ENPP4: variants seen among roughly 807,000 people sequenced by gnomAD.
The protein encoded by ENPP4 is bis(5'-adenosyl)-triphosphatase ENPP4.
Under a neutral mutation model 33.4 loss-of-function variants are expected in ENPP4, and 18 were observed. The ratio of observed to expected loss-of-function variants is 0.54; its 90% confidence interval spans 0.37 to 0.80. ENPP4 has a LOEUF of 0.80. Ranked by LOEUF, ENPP4 falls within the 30% of genes least tolerant of loss-of-function variation. The pLI, the probability that ENPP4 is intolerant of heterozygous loss-of-function variation, is 0.00. For synonymous variants in ENPP4, 172 were observed against 189.9 expected (o/e 0.91, Z 0.78); for missense variants, 480 against 541.7 (o/e 0.89, Z 1.13).
At chr6:46,137,792 G>C (rs542104516) in intron 1 of ENPP4, among the ~76,000 whole-genome samples, 10 of 151,812 alleles carry the variant, frequency 6.6e-5, no homozygotes, top group Non-Finnish European at 1.3e-4. Flanking sequence ...GATTAAAATA[G>C]TAGAGATTTT....
intron 1 of ENPP4, among the ~76,000 whole-genome samples, chr6:46,130,938 G>C (rs1763885911): frequency 6.6e-6 from 1 of 152,174 alleles, no homozygotes; most frequent in Non-Finnish European, 1.5e-5. Context: ...CAAGTCTGAA[G>C]GAAGATTTGC....
At chr6:46,136,545 A>T (rs1443166951) in intron 1 of ENPP4, among the ~76,000 whole-genome samples, 1 of 151,990 alleles carries the variant, frequency 6.6e-6, no homozygotes, top group East Asian at 1.9e-4. Context: ...ATGGAAATTC[A>T]AGTTGGCAGT....
In ENPP4 at chr6:46,143,399, T is replaced by C; in HGVS notation, c.1121T>C (p.Met374Thr). The change falls in exon 4 of 4, where the codon ATG becomes ACG. Residue 374 changes from methionine to threonine, a missense_variant. Around this residue, in one of 3 missense-constraint regions of ENPP4, gnomAD observed 249 missense variants for 251.8 expected, o/e 0.99. Transcript: ENST00000321037. Reference protein sequence around the residue: ...TINIVDIYPMMCHILGLKPHP... With the variant: ...TINIVDIYPMTCHILGLKPHP... ...AACATTGTGGATATTTATCCAATGATGTGCCACATCCTGGGATTAAAACCA... is the reference window on the plus strand; with the variant it reads ...AACATTGTGGATATTTATCCAATGACGTGCCACATCCTGGGATTAAAACCA... 6.2e-7 allele frequency: 1 copy of C among 1,612,808 alleles called. No individual in the cohort carries two copies. Among genetic ancestry groups the C allele is most frequent in the Non-Finnish European group, 8.5e-7 (1 of 1,179,132 alleles).
Position 46,144,176 on chromosome 6 carries a change from A to G in ENPP4, c.*536A>G, listed in dbSNP as rs1263570951. On this transcript the variant is annotated 3_prime_UTR_variant, in exon 4 of 4. Transcript: ENST00000321037. ...GGTAGGAAATGCTCTGTGATGGTAA[A>G]TAAAATTGGAGCAGACAGAAAAGAT... 2 of 151,818 alleles carry G rather than the reference A, an allele frequency of 1.3e-5. No individual in the cohort carries two copies. The highest frequency in any genetic ancestry group is 2.9e-5 in the Non-Finnish European group (2 of 67,862). The allele number at this position is 151,818 out of a possible 1,614,324, so 9.4% of individuals were successfully genotyped here.
At position 46,146,120 on chromosome 6, in the gene ENPP4, TAA is replaced by T. The variant is rs1435773353; in HGVS notation, c.*2481_*2482del. 1.3e-5 allele frequency: 2 copies of T among 151,946 alleles called. No homozygotes were observed. The highest frequency in any genetic ancestry group is 4.8e-5 in the African/African-American group (2 of 41,432). The allele number at this position is 151,946 out of a possible 1,614,324, so 9.4% of individuals were successfully genotyped here. A position where few individuals can be genotyped will look rare whatever the true frequency, so the allele number is the denominator to read the frequency against. On this transcript the variant is annotated 3_prime_UTR_variant, in exon 4 of 4. Transcript: ENST00000321037. Reference sequence around the variant, plus strand: ...CCAAGGTAATAGGAAAAGTTTGAGTTAAGTGTTTTTAATTCAGTCAGTGAATT... The same window carrying T: ...CCAAGGTAATAGGAAAAGTTTGAGTTGTGTTTTTAATTCAGTCAGTGAATT...
chr6:46,145,327 C>G lies in ENPP4; in HGVS notation c.*1687C>G, dbSNP rs1343027589. ...CATTTTCAAACCCTGTATAAATAAT[C>G]CATGCTGTTGGTCATAAGTTAACTG... On this transcript the variant is annotated 3_prime_UTR_variant, in exon 4 of 4. Coordinates refer to ENST00000321037, the MANE Select transcript of ENPP4 (RefSeq NM_014936.5). 1 of 176,098 alleles carries G rather than the reference C, an allele frequency of 5.7e-6. No homozygotes were observed. Among genetic ancestry groups the G allele is most frequent in the African/African-American group, 2.4e-5 (1 of 42,402 alleles). The allele number at this position is 176,098 out of a possible 1,614,324, so 10.9% of individuals were successfully genotyped here.
chr6:46,132,953 T>C (rs1763923513), intron 1 of ENPP4, among the ~76,000 whole-genome samples: 1 of 152,022 alleles, frequency 6.6e-6, no homozygotes, highest in African/African-American at 2.4e-5. Context: ...TGGCTGTTTG[T>C]CTGTTGTTGA....
chr6:46,141,678 C>T (rs753560303), intron 3 of ENPP4, among the ~76,000 whole-genome samples: 1 of 151,576 alleles, frequency 6.6e-6, no homozygotes, highest in Admixed American at 6.6e-5. Context: ...AGTAACCAAA[C>T]AAATCCACCA....
At chr6:46,131,076 C>T (rs1763887822) in intron 1 of ENPP4, among the ~76,000 whole-genome samples, 1 of 152,090 alleles carries the variant, frequency 6.6e-6, no homozygotes, top group South Asian at 2.1e-4. Context: ...TGCGTCTTCC[C>T]CCCACCTCCA....
In ENPP4 at chr6:46,140,268, A is replaced by G. The variant is rs1275160338; in HGVS notation, c.685A>G (p.Asn229Asp). 6.2e-7 allele frequency: 1 copy of G among 1,612,514 alleles called. No homozygotes were observed. The highest frequency in any genetic ancestry group is 8.5e-7 in the Non-Finnish European group (1 of 1,178,968). The change falls in exon 2 of 4, where the codon AAT becomes GAT. Residue 229 changes from asparagine (N) to aspartate (D), a missense_variant. Asn to Asp is a conservative substitution (Grantham distance 23, BLOSUM62 1). This residue lies in a region of ENPP4 where 227 missense variants were observed against 273.7 expected (regional missense o/e 0.83). Coordinates refer to ENST00000321037, the MANE Select transcript of ENPP4 (RefSeq NM_014936.5). ...QRLKMLGLWE[N>D]LNVIITSDHG... is the part of the protein sequence containing the mutation. ...ACTCAAGATGTTAGGGCTATGGGAA[A>G]ATCTTAATGTGATCATTACAAGTGA...
chr6:46,143,597 G>A lies in ENPP4; in HGVS notation c.1319G>A (p.Arg440Gln), dbSNP rs372499430. The A allele has an allele frequency of 9.6e-5, 155 of 1,611,732 alleles. No individual in the cohort carries two copies. The highest frequency in any genetic ancestry group is 1.2e-4 in the Non-Finnish European group (141 of 1,178,564). Residue 440 changes from arginine (R) to glutamine (Q), a missense_variant, in exon 4 of 4, where the codon CGA becomes CAA. Coordinates refer to ENST00000321037, the MANE Select transcript of ENPP4 (RefSeq NM_014936.5). ...NRLSVPRPFS[R>Q]LQLQEDDDDP... ...CTTTCTGTACCTCGTCCATTTTCTC[G>A]ACTTCAGCTACAAGAAGATGATGAT...
chr6:46,141,802 A>G (rs140194683), intron 3 of ENPP4, among the ~76,000 whole-genome samples: 23 of 151,852 alleles, frequency 1.5e-4, no homozygotes, highest in African/African-American at 5.1e-4. Flanking sequence ...CATATTTCAT[A>G]TTCAATTCAA....
chr6:46,137,351 G>C (rs957053594), intron 1 of ENPP4, among the ~76,000 whole-genome samples: 3 of 151,848 alleles, frequency 2.0e-5, no homozygotes, highest in African/African-American at 7.2e-5. Flanking sequence ...TGATTGGAAA[G>C]AAATATTTGG....
chr6:46,135,959 A>T (rs1763968185), intron 1 of ENPP4, among the ~76,000 whole-genome samples: 1 of 151,962 alleles, frequency 6.6e-6, no homozygotes, highest in South Asian at 2.1e-4. Context: ...TCTACTGGAA[A>T]ATTTTTGGAC....
In ENPP4 at chr6:46,140,080, A is replaced by G. The variant is rs369755072; in HGVS notation, c.497A>G (p.Asn166Ser). The change falls in exon 2 of 4, where the codon AAT (asparagine) becomes AGT (serine). Residue 166 changes from asparagine to serine, a missense_variant. Around this residue, in one of 3 missense-constraint regions of ENPP4, gnomAD observed 227 missense variants for 273.7 expected, o/e 0.83. Coordinates refer to ENST00000321037, the MANE Select transcript of ENPP4 (RefSeq NM_014936.5). ...GTGTCATTTGAGGAAAGACTAAATA[A>G]TATTACTATGTGGCTAAACAATTCG... ...SSVSFEERLN[N>S]ITMWLNNSNP... The G allele has an allele frequency of 3.1e-6, 5 of 1,612,574 alleles. No homozygotes were observed. Among genetic ancestry groups the G allele is most frequent in the Non-Finnish European group, 4.2e-6 (5 of 1,179,102 alleles).
intron 3 of ENPP4, among the ~76,000 whole-genome samples, chr6:46,142,308 A>G (rs1764073537): frequency 2.0e-5 from 1 of 49,872 alleles, no homozygotes; most frequent in Admixed American, 2.0e-4. Flanking sequence ...CTTTTCTAAT[A>G]TATATCTATA....
Position 46,145,278 on chromosome 6 carries a change from A to G in ENPP4, c.*1638A>G, listed in dbSNP as rs755496567. 6 of 226,844 alleles carry G rather than the reference A, an allele frequency of 2.6e-5. No individual in the cohort carries two copies. The East Asian group carries it at 5.0e-4, about 19-fold the overall frequency. 14.1% of individuals were successfully genotyped at this position (226,844 alleles called of 1,614,324 possible). A position where few individuals can be genotyped will look rare whatever the true frequency, so the allele number is the denominator to read the frequency against. On this transcript the variant is annotated 3_prime_UTR_variant, in exon 4 of 4. Transcript: ENST00000321037. ...TTCTTGAGCCTGGTATTTGCTGCCT[A>G]TTGTATTTGTGGTTGTTGAGAGGCA...
chr6:46,142,250 T>G (rs1408429876), intron 3 of ENPP4, among the ~76,000 whole-genome samples: 2 of 57,334 alleles, frequency 3.5e-5, no homozygotes, highest in African/African-American at 1.3e-4. Flanking sequence ...TAGGCAAATG[T>G]TAATTGTGGA....
In ENPP4 at chr6:46,139,854, A is replaced by G. The variant is rs753766617; in HGVS notation, c.271A>G (p.Asn91Asp). ...LYEESHGIVA[N>D]SMYDAVTKKH... The stretch of plus-strand genomic sequence containing the variant: ...TGAAGAAAGCCATGGCATTGTGGCT[A>G]ATTCCATGTATGATGCAGTCACAAA... The change falls in exon 2 of 4, where the codon AAT becomes GAT. Residue 91 changes from asparagine (N) to aspartate (D), a missense_variant. Transcript: ENST00000321037. 3.1e-6 allele frequency: 5 copies of G among 1,612,648 alleles called. No homozygotes were observed. Among genetic ancestry groups the G allele is most frequent in the Non-Finnish European group, 4.2e-6 (5 of 1,179,102 alleles).
Sources: gnomAD v4.1 joint callset for allele counts (sites outside exome capture counted in the v4.1 genomes callset) on GRCh38, gnomAD v4.1.1 for gene constraint, gnomAD v4.1.1 regional missense constraint, MANE v1.5 for transcripts, NCBI Gene and HGNC (gene_info 2026-07-23, HGNC 2026-07-21) for gene names.